CTNND2: variants seen among roughly 807,000 people sequenced by gnomAD.
The protein encoded by CTNND2 is catenin delta 2, also known as catenin delta-2.
CTNND2 carries 22 observed loss-of-function variants against 144.4 expected under a neutral mutation model. The observed-to-expected ratio is 0.15, with a 90% CI of 0.11 to 0.22. CTNND2 has a LOEUF of 0.22. CTNND2 is among the 10% of genes least tolerant of loss of function. CTNND2 has a pLI of 1.00. For missense variants in CTNND2, 1,353 were observed against 1,618.8 expected, an observed-to-expected ratio of 0.84 and a Z score of 2.82; for synonymous variants, 751 against 695.6, an observed-to-expected ratio of 1.08 and a Z score of -1.25.
intron 16 of CTNND2, among the ~76,000 whole-genome samples, chr5:11,046,116 T>C (rs1286624683): frequency 6.6e-6 from 1 of 152,130 alleles, no homozygotes; most frequent in Non-Finnish European, 1.5e-5. Flanking sequence ...CTTATGTTGA[T>C]ATCCTAACCC....
At chr5:11,418,090 G>A (rs1318293540) in intron 3 of CTNND2, among the ~76,000 whole-genome samples, 1 of 151,924 alleles carries the variant, frequency 6.6e-6, no homozygotes, top group African/African-American at 2.4e-5. Flanking sequence ...ACGCACTAAC[G>A]AGGGTAAGAT....
At chr5:11,193,516 A>G (rs1175542003) in intron 11 of CTNND2, among the ~76,000 whole-genome samples, 1 of 152,212 alleles carries the variant, frequency 6.6e-6, no homozygotes, top group African/African-American at 2.4e-5. Context: ...TATTTGGAAT[A>G]AGAAATAAAA....
chr5:11,792,545 T>C (rs1791191028), intron 1 of CTNND2, among the ~76,000 whole-genome samples: 1 of 152,220 alleles, frequency 6.6e-6, no homozygotes, highest in South Asian at 2.1e-4. Flanking sequence ...CATATTTTTG[T>C]GCAAGCATGA....
intron 9 of CTNND2, among the ~76,000 whole-genome samples, chr5:11,276,377 C>T (rs897272847): frequency 6.6e-6 from 1 of 152,198 alleles, no homozygotes; most frequent in African/African-American, 2.4e-5. Flanking sequence ...CTCCTTGAAG[C>T]ACTCTCTTCT....
chr5:11,180,667 C>T (rs1760906795), intron 11 of CTNND2, among the ~76,000 whole-genome samples: 1 of 152,178 alleles, frequency 6.6e-6, no homozygotes, highest in Non-Finnish European at 1.5e-5. Context: ...CTGCTGGGGA[C>T]AGGGTCTGTA....
At chr5:11,137,216 T>C (rs974673763) in intron 12 of CTNND2, among the ~76,000 whole-genome samples, 15 of 152,248 alleles carry the variant, frequency 9.9e-5, no homozygotes, top group African/African-American at 2.9e-4. Context: ...TATGAGGAAT[T>C]AATCCATTCA....
chr5:11,594,911 C>T (rs1214407833), intron 2 of CTNND2, among the ~76,000 whole-genome samples: 1 of 152,170 alleles, frequency 6.6e-6, no homozygotes, highest in Non-Finnish European at 1.5e-5. Context: ...AAAGACATGA[C>T]TCCTGAAATT....
At chr5:11,241,745 G>C (rs1317281039) in intron 9 of CTNND2, among the ~76,000 whole-genome samples, 2 of 152,160 alleles carry the variant, frequency 1.3e-5, no homozygotes, top group African/African-American at 4.8e-5. Context: ...CAGAGAAATA[G>C]CAGCAGGCCT....
chr5:11,266,980 G>A (rs1016185174), intron 9 of CTNND2, among the ~76,000 whole-genome samples: 1 of 152,220 alleles, frequency 6.6e-6, no homozygotes, highest in Non-Finnish European at 1.5e-5. Flanking sequence ...CAGGGTTCAA[G>A]CAATTCTCCT....
intron 12 of CTNND2, among the ~76,000 whole-genome samples, chr5:11,118,702 C>A (rs1034526618): frequency 2.6e-5 from 4 of 152,176 alleles, no homozygotes; most frequent in Non-Finnish European, 5.9e-5. Context: ...GATCAGTAAG[C>A]CTGGACGGAG....
At chr5:11,663,085 C>G (rs1783361960) in intron 2 of CTNND2, among the ~76,000 whole-genome samples, 1 of 152,154 alleles carries the variant, frequency 6.6e-6, no homozygotes, top group Non-Finnish European at 1.5e-5. Flanking sequence ...AGAAATGCCT[C>G]TAGTCAGGGT....
chr5:11,372,872 A>G (rs1158349243), intron 7 of CTNND2, among the ~76,000 whole-genome samples: 1 of 152,166 alleles, frequency 6.6e-6, no homozygotes, highest in East Asian at 1.9e-4. Context: ...CTATGAATAC[A>G]TATCTGGTCT....
intron 3 of CTNND2, among the ~76,000 whole-genome samples, chr5:11,460,555 T>C (rs764582891): frequency 9.9e-5 from 15 of 152,078 alleles, no homozygotes; most frequent in Non-Finnish European, 1.3e-4. Flanking sequence ...TCTACCCCCA[T>C]TGGGGGCCCC....
intron 12 of CTNND2, among the ~76,000 whole-genome samples, chr5:11,125,257 G>T (rs867547888): frequency 1.3e-5 from 2 of 152,132 alleles, no homozygotes; most frequent in South Asian, 2.1e-4. Context: ...GCAGGGCTAG[G>T]GGGGCAGCAT....
intron 10 of CTNND2, among the ~76,000 whole-genome samples, chr5:11,214,738 G>A (rs910929402): frequency 5.3e-5 from 8 of 151,870 alleles, no homozygotes; most frequent in African/African-American, 9.7e-5. Context: ...TACTCACTTC[G>A]GCTTCCATTG....
chr5:11,646,992 A>T (rs949062790), intron 2 of CTNND2, among the ~76,000 whole-genome samples: 3 of 152,016 alleles, frequency 2.0e-5, no homozygotes, highest in Non-Finnish European at 4.4e-5. Flanking sequence ...ACTGACCTTT[A>T]TTTTTCTGTC....
chr5:11,876,791 G>A (rs969280119), intron 1 of CTNND2, among the ~76,000 whole-genome samples: 4 of 152,034 alleles, frequency 2.6e-5, no homozygotes, highest in African/African-American at 4.8e-5. Flanking sequence ...TCTAAATTTC[G>A]TTATCTCAAT....
At chr5:11,838,417 G>A (rs747207419) in intron 1 of CTNND2, among the ~76,000 whole-genome samples, 6 of 152,158 alleles carry the variant, frequency 3.9e-5, no homozygotes, top group African/African-American at 9.6e-5. Flanking sequence ...CTCAAACTTC[G>A]GGCAATCTGA....
intron 1 of CTNND2, among the ~76,000 whole-genome samples, chr5:11,847,667 T>C (rs946895114): frequency 2.0e-5 from 3 of 152,160 alleles, no homozygotes; most frequent in African/African-American, 7.2e-5. Flanking sequence ...TGTAAAAGTG[T>C]TGAATGCGAT....
Sources: gnomAD v4.1 joint callset for allele counts (sites outside exome capture counted in the v4.1 genomes callset) on GRCh38, gnomAD v4.1.1 for gene constraint, MANE v1.5 for transcripts, NCBI Gene and HGNC (gene_info 2026-07-23, HGNC 2026-07-21) for gene names.